MALRD1: variants seen among roughly 807,000 people sequenced by gnomAD.
MALRD1 encodes the protein MAM and LDL receptor class A domain containing 1.
In MALRD1, 247 loss-of-function variants were observed where a neutral mutation model predicts 242.1. The ratio of observed to expected loss-of-function variants is 1.02; its 90% CI spans 0.92 to 1.13. MALRD1 has a LOEUF of 1.13. Among genes scored for constraint, MALRD1 ranks in the 50% most tolerant of loss-of-function variants. The pLI is 0.00. For synonymous variants in MALRD1, 995 were observed against 866.6 expected, an observed-to-expected ratio of 1.15 and a Z score of -2.60; for missense variants, 2,989 against 2,533.1, an observed-to-expected ratio of 1.18 and a Z score of -3.86.
chr10:19,075,621 A>G (rs138853882), intron 2 of MALRD1, among the ~76,000 whole-genome samples: 1 of 152,176 alleles, frequency 6.6e-6, no homozygotes, highest in Non-Finnish European at 1.5e-5. Context: ...TTAGGGATGC[A>G]TGGAATTGAA....
chr10:19,250,335 C>A (rs1456241235), intron 18 of MALRD1, among the ~76,000 whole-genome samples: 2 of 151,922 alleles, frequency 1.3e-5, no homozygotes, highest in Non-Finnish European at 1.5e-5. Context: ...TTAAATCATT[C>A]ATTGTAACCT....
In MALRD1 at chr10:19,450,382, CTGCTAGGAAAG is replaced by C. The variant is rs1835254414; in HGVS notation, c.4923_4933del (p.Leu1642LysfsTer4). On this transcript the variant is annotated frameshift_variant, in exon 29 of 40. Transcript: ENST00000454679. LOFTEE classifies it high-confidence loss of function. ...TAATCATTGGCAAAAGGCTGACATC[CTGCTAGGAAAG>C]TTAAGGAATTTTGAAGTCATATTTC... The C allele has an allele frequency of 6.5e-7, 1 of 1,550,008 alleles. No homozygotes were observed. The highest frequency in any genetic ancestry group is 8.7e-7 in the Non-Finnish European group (1 of 1,146,908).
intron 35 of MALRD1, 31 bp from the exon 36 acceptor site, chr10:19,615,826 T>C (rs1010215382): frequency 2.8e-6 from 4 of 1,450,180 alleles, no homozygotes; most frequent in Non-Finnish European, 3.7e-6. Context: ...TATTTATAAT[T>C]AACTGGTGTC....
At chr10:19,328,865 C>G (rs970394627) in intron 23 of MALRD1, among the ~76,000 whole-genome samples, 1 of 152,154 alleles carries the variant, frequency 6.6e-6, no homozygotes, top group African/African-American at 2.4e-5. Context: ...CCCAACTGTT[C>G]AGCCTCTCAG....
At chr10:19,541,869 T>C (rs1482802450) in intron 32 of MALRD1, among the ~76,000 whole-genome samples, 1 of 152,144 alleles carries the variant, frequency 6.6e-6, no homozygotes, top group African/African-American at 2.4e-5. Context: ...CCATTGTGAA[T>C]AATAGAAAAT....
chr10:19,513,093 G>T (rs1246780100), intron 31 of MALRD1, among the ~76,000 whole-genome samples: 1 of 152,064 alleles, frequency 6.6e-6, no homozygotes, highest in Non-Finnish European at 1.5e-5. Context: ...TATATGATAT[G>T]GTTTGTATAT....
At chr10:19,254,223 T>C (rs2131797191) in intron 18 of MALRD1, among the ~76,000 whole-genome samples, 1 of 152,210 alleles carries the variant, frequency 6.6e-6, no homozygotes. Flanking sequence ...TGATACAGGC[T>C]TTTGAGTCTG....
chr10:19,213,381 A>G (rs948996040), intron 18 of MALRD1, among the ~76,000 whole-genome samples: 3 of 152,130 alleles, frequency 2.0e-5, no homozygotes, highest in African/African-American at 7.2e-5. Flanking sequence ...CTACAGCCGC[A>G]TGCTACTATG....
At chr10:19,612,052 T>A (rs1838924562) in intron 35 of MALRD1, among the ~76,000 whole-genome samples, 1 of 151,386 alleles carries the variant, frequency 6.6e-6, no homozygotes, top group Admixed American at 6.6e-5. Context: ...TCAGCACTCC[T>A]GTACTGTTTG....
chr10:19,645,349 A>G (rs1002748058), intron 36 of MALRD1, among the ~76,000 whole-genome samples: 1 of 152,172 alleles, frequency 6.6e-6, no homozygotes, highest in African/African-American at 2.4e-5. Context: ...AACTAGAAAT[A>G]CCATTTGAAC....
intron 31 of MALRD1, among the ~76,000 whole-genome samples, chr10:19,515,735 C>T (rs368292839): frequency 9.2e-5 from 14 of 151,416 alleles, no homozygotes; most frequent in African/African-American, 3.1e-4. Context: ...AATTTTTTTT[C>T]TTTTTTGTAT....
chr10:19,684,485 G>A (rs2131802763), intron 36 of MALRD1, among the ~76,000 whole-genome samples: 1 of 152,184 alleles, frequency 6.6e-6, no homozygotes, highest in East Asian at 1.9e-4. Flanking sequence ...GCTGGGCATG[G>A]TGGCTCATGC....
chr10:19,170,717 T>A lies in MALRD1; in HGVS notation c.1831-4491T>A, dbSNP rs550498172. On this transcript the variant is annotated intron_variant, in intron 13 of 39. Coordinates refer to ENST00000454679, the MANE Select transcript of MALRD1 (RefSeq NM_001142308.3). ...TTTATTTCATTAGAGAGATGCAGGA[T>A]AGTATAATCATTAATGGCTCAGCTT... Among the ~76,000 whole-genome samples, 7 of 152,282 alleles carry A rather than the reference T, an allele frequency of 4.6e-5. No homozygotes were observed. In the South Asian group the frequency reaches 1.5e-3, roughly 32 times the overall value.
At chr10:19,209,747 C>A (rs1407478195) in intron 18 of MALRD1, 67 bp downstream of exon 18, 1 of 1,376,672 alleles carries the variant, frequency 7.3e-7, no homozygotes, top group Non-Finnish European at 9.7e-7. Context: ...TATGAAAGAT[C>A]GCTGTATTCT....
At chr10:19,232,456 G>A (rs1185213712) in intron 18 of MALRD1, among the ~76,000 whole-genome samples, 1 of 151,740 alleles carries the variant, frequency 6.6e-6, no homozygotes, top group African/African-American at 2.4e-5. Context: ...GGGATTATAG[G>A]CATGAGCCAC....
intron 38 of MALRD1, among the ~76,000 whole-genome samples, chr10:19,714,460 T>G (rs1435714419): frequency 6.6e-6 from 1 of 152,136 alleles, no homozygotes; most frequent in Non-Finnish European, 1.5e-5. Context: ...CCTGCATGTC[T>G]GTCTGCTAGG....
At chr10:19,641,282 A>G (rs1030162753) in intron 36 of MALRD1, among the ~76,000 whole-genome samples, 1 of 152,196 alleles carries the variant, frequency 6.6e-6, no homozygotes, top group Admixed American at 6.5e-5. Flanking sequence ...GATATTATAG[A>G]TAAACTGTCC....
chr10:19,071,337 TTC>T (rs1036678362), intron 2 of MALRD1, among the ~76,000 whole-genome samples: 3 of 151,930 alleles, frequency 2.0e-5, no homozygotes, highest in African/African-American at 7.3e-5. Flanking sequence ...TTTATAGAAT[TTC>T]TTTTTTTCTA....
intron 36 of MALRD1, among the ~76,000 whole-genome samples, chr10:19,643,054 A>G (rs912735685): frequency 1.3e-5 from 2 of 152,202 alleles, no homozygotes; most frequent in African/African-American, 4.8e-5. Flanking sequence ...GATCAAGTCC[A>G]GTTGTCTTCA....
Sources: allele counts gnomAD v4.1 joint callset (sites outside exome capture counted in the v4.1 genomes callset), GRCh38; gene constraint gnomAD v4.1.1; transcripts MANE v1.5; gene names NCBI Gene and HGNC (gene_info 2026-07-23, HGNC 2026-07-21).